Variants in KIDINS220 observed in about 807,000 individuals in gnomAD.
The protein encoded by KIDINS220 is kinase D-interacting substrate of 220 kDa.
Under a neutral mutation model 157.6 loss-of-function variants are expected in KIDINS220, and 63 were observed. The observed-to-expected ratio is 0.40, with a 90% CI of 0.33 to 0.49. The LOEUF is 0.49. Ranked by LOEUF, KIDINS220 falls within the 20% of genes least tolerant of loss-of-function variation. KIDINS220 has a pLI of 0.66. For missense variants in KIDINS220, 1,772 were observed against 2,171.2 expected (o/e 0.82, Z 3.65); for synonymous variants, 732 against 783.6 (o/e 0.93, Z 1.10).
At chr2:8,755,542 C>T (rs1055389806) in intron 22 of KIDINS220, among the ~76,000 whole-genome samples, 1 of 152,212 alleles carries the variant, frequency 6.6e-6, no homozygotes, top group African/African-American at 2.4e-5. Flanking sequence ...TGTTCTTCCT[C>T]AAGAACTCTA....
Position 8,776,800 on chromosome 2 carries a change from A to G in KIDINS220, c.2796T>C (p.Ser932=), listed in dbSNP as rs531261610. 6.2e-7 allele frequency: 1 copy of G among 1,613,920 alleles called. No individual in the cohort carries two copies. The highest frequency in any genetic ancestry group is 1.7e-5 in the Admixed American group (1 of 60,008). The stretch of plus-strand genomic sequence containing the variant: ...TTCTCATGGTCTGGGGACTGATGTC[A>G]CTGAACCAGTCCTCGGTAACCAGCA... ...TKLLVTEDWF[S]DISPQTMRRL... is the part of the protein sequence containing the mutation. Residue 932 remains serine, a synonymous_variant, in exon 21 of 30, where the codon AGT becomes AGC. Coordinates refer to ENST00000256707, the MANE Select transcript of KIDINS220 (RefSeq NM_020738.4).
At chr2:8,741,216 C>T (rs1342288303) in intron 26 of KIDINS220, among the ~76,000 whole-genome samples, 1 of 152,178 alleles carries the variant, frequency 6.6e-6, no homozygotes, top group African/African-American at 2.4e-5. Flanking sequence ...TTAAGAAATA[C>T]TAGGTCAAAG....
At chr2:8,800,190 T>C (rs944616925) in intron 9 of KIDINS220, 13 of 446,536 alleles carry the variant, frequency 2.9e-5, no homozygotes, top group South Asian at 5.7e-5. Context: ...CATGAGCTTT[T>C]TTGGTTTACC....
rs754563018 is a variant in KIDINS220, at chr2:8,789,898, G to T, written c.1603C>A (p.Leu535Ile). The change falls in exon 14 of 30, where the codon CTC (leucine) becomes ATC (isoleucine). Residue 535 changes from leucine to isoleucine, a missense_variant. Around this residue, in one of 3 missense-constraint regions of KIDINS220, gnomAD observed 725 missense variants for 1,017.1 expected, o/e 0.71. Transcript: ENST00000256707. ...GACTTACTAAAGAATATATATAAGA[G>T]AGCCAAGAAGCTCAGTGACACTGCT... Reference protein sequence around the residue: ...GIAVSLSFLALLYIFFIVIYF... With the variant: ...GIAVSLSFLAILYIFFIVIYF... The T allele has an allele frequency of 1.5e-4, 247 of 1,609,088 alleles. No individual in the cohort carries two copies. The highest frequency in any genetic ancestry group is 2.0e-4 in the Non-Finnish European group (240 of 1,178,580).
intron 26 of KIDINS220, among the ~76,000 whole-genome samples, chr2:8,741,001 T>C (rs1354810032): frequency 1.3e-5 from 2 of 152,216 alleles, no homozygotes; most frequent in African/African-American, 2.4e-5. Context: ...ATATTCAATA[T>C]CTGGGGCACT....
rs983598713 is a variant in KIDINS220, at chr2:8,764,219, A to G, written c.3011+6451T>C. Among the ~76,000 whole-genome samples, 70 of 152,144 alleles carry G rather than the reference A, an allele frequency of 4.6e-4. 2 individuals carry two copies. The highest frequency in any genetic ancestry group is 8.8e-5 in the Non-Finnish European group (6 of 68,024). On this transcript the variant is annotated intron_variant, in intron 22 of 29. Transcript: ENST00000256707. ...AGTAAGCAAAGGCATACAGAATAAA[A>G]TAATAGACTTTAGAGACTCAGAAGG...
At position 8,817,766 on chromosome 2, in the gene KIDINS220, T is replaced by C. The variant is rs760056247; in HGVS notation, c.208-50A>G. The C allele has an allele frequency of 1.1e-5, 14 of 1,269,202 alleles. No individual in the cohort carries two copies. In the South Asian group the frequency reaches 1.9e-4, roughly 17 times the overall value. 78.6% of individuals were successfully genotyped at this position (1,269,202 alleles called of 1,614,324 possible). The stretch of plus-strand genomic sequence containing the variant: ...TCATTTTCAAACCAAAAATAACACG[T>C]CAAAGTAAGGAAAACTACATTTGAA... On this transcript the variant is annotated intron_variant, in intron 3 of 29. Transcript: ENST00000256707.
intron 2 of KIDINS220, among the ~76,000 whole-genome samples, chr2:8,825,114 G>A (rs1387464766): frequency 6.6e-6 from 1 of 152,126 alleles, no homozygotes; most frequent in African/African-American, 2.4e-5. Context: ...GGTCATGCCT[G>A]CAATCACAGT....
chr2:8,781,340 A>G (rs1572631865), intron 17 of KIDINS220, among the ~76,000 whole-genome samples: 1 of 152,066 alleles, frequency 6.6e-6, no homozygotes, highest in East Asian at 1.9e-4. Flanking sequence ...ATACCATTCT[A>G]TAAGGACAGA....
Position 8,813,257 on chromosome 2 carries a change from T to A in KIDINS220, c.385A>T (p.Asn129Tyr). 6.2e-7 allele frequency: 1 copy of A among 1,613,068 alleles called. No homozygotes were observed. Among genetic ancestry groups the A allele is most frequent in the Non-Finnish European group, 8.5e-7 (1 of 1,179,634 alleles). ...VVELLLSHGA[N>Y]PSVTGLYSVY... ...CTTACCAGACCAGTGACACTTGGAT[T>A]GGCACCATGAGAAAGAAGCAACTCT... The change falls in exon 5 of 30, where the codon AAT (asparagine) becomes TAT (tyrosine). Residue 129 changes from asparagine to tyrosine, a missense_variant. By Grantham distance (143) the Asn-to-Tyr change is moderately radical (BLOSUM62 -2). Transcript: ENST00000256707.
intron 2 of KIDINS220, among the ~76,000 whole-genome samples, chr2:8,820,377 C>A (rs936841395): frequency 6.6e-6 from 1 of 152,162 alleles, no homozygotes; most frequent in Non-Finnish European, 1.5e-5. Flanking sequence ...GTGGCTGCCA[C>A]ACAGGTACCC....
chr2:8,808,115 C>T (rs1299224983), intron 6 of KIDINS220, among the ~76,000 whole-genome samples: 2 of 151,774 alleles, frequency 1.3e-5, no homozygotes, highest in Admixed American at 6.6e-5. Context: ...CAGAGCAAGA[C>T]TCTGTCTCAA....
chr2:8,734,221 G>C (rs1036403667), intron 28 of KIDINS220, among the ~76,000 whole-genome samples: 1 of 152,076 alleles, frequency 6.6e-6, no homozygotes, highest in Admixed American at 6.5e-5. Context: ...CCTGGGGGTG[G>C]GGGGGTTAGT....
In KIDINS220 at chr2:8,796,755, C is replaced by A. The variant is rs367848355; in HGVS notation, c.1098+16G>T. 1.3e-6 allele frequency: 2 copies of A among 1,590,812 alleles called. No homozygotes were observed. Among genetic ancestry groups the A allele is most frequent in the East Asian group, 4.5e-5 (2 of 44,798 alleles). On this transcript the variant is annotated intron_variant, in intron 11 of 29. Coordinates refer to ENST00000256707, the MANE Select transcript of KIDINS220 (RefSeq NM_020738.4). Reference sequence around the variant, plus strand: ...ACAGCTTTCCATACAGTGTTCTCTCCGCACAGATGTTTTACCTTATCTACA... The same window carrying A: ...ACAGCTTTCCATACAGTGTTCTCTCAGCACAGATGTTTTACCTTATCTACA...
rs186938125 is a variant in KIDINS220 at position 8,756,492 on chromosome 2, G to A, written c.3012-4848C>T. On this transcript the variant is annotated intron_variant, in intron 22 of 29. Coordinates refer to ENST00000256707, the MANE Select transcript of KIDINS220 (RefSeq NM_020738.4). ...AATGTTGAATAGCAGTGGTGAAAGTGGGTATCTTAGTTAACTCAGGCTGCT... is the reference window on the plus strand; with the variant it reads ...AATGTTGAATAGCAGTGGTGAAAGTAGGTATCTTAGTTAACTCAGGCTGCT... Among the ~76,000 whole-genome samples, 6 of 152,298 alleles carry A rather than the reference G, an allele frequency of 3.9e-5. No homozygotes were observed. In the East Asian group the frequency reaches 1.2e-3, roughly 29 times the overall value.
intron 1 of KIDINS220, among the ~76,000 whole-genome samples, chr2:8,827,627 T>A (rs1679002416): frequency 6.6e-6 from 1 of 152,128 alleles, no homozygotes; most frequent in African/African-American, 2.4e-5. Flanking sequence ...TGCGTCACTA[T>A]CATCGCTTCC....
intron 26 of KIDINS220, chr2:8,746,471 CTTT>C (rs1159924446): frequency 8.4e-6 from 1 of 119,350 alleles, no homozygotes; most frequent in African/African-American, 2.6e-5. Flanking sequence ...TTGTTTTTTT[CTTT>C]TTGTTTTTTT....
At position 8,806,261 on chromosome 2, in the gene KIDINS220, A is replaced by C. The variant is rs1675440638; in HGVS notation, c.603+10T>G. 4.5e-6 allele frequency: 7 copies of C among 1,557,274 alleles called. No homozygotes were observed. Among genetic ancestry groups the C allele is most frequent in the Non-Finnish European group, 6.1e-6 (7 of 1,142,210 alleles). Reference sequence around the variant, plus strand: ...TTCTATTGCCAAGCATTAAAATATAAGATACTTACAGCTCCTTCTTGATCC... The same window carrying C: ...TTCTATTGCCAAGCATTAAAATATACGATACTTACAGCTCCTTCTTGATCC... On this transcript the variant is annotated intron_variant, in intron 7 of 29. Transcript: ENST00000256707.
chr2:8,827,948 T>A lies in KIDINS220; in HGVS notation c.-36-819A>T, dbSNP rs536624478. Among the ~76,000 whole-genome samples, 9 of 152,314 alleles carry A rather than the reference T, an allele frequency of 5.9e-5. No individual in the cohort carries two copies. In the South Asian group the frequency reaches 1.9e-3, roughly 32 times the overall value. Reference sequence around the variant, plus strand: ...TCTGAGTGGGGCCCCTGACTCTGCATCTTTATCCAGCTCCCTGTGACACTG... The same window carrying A: ...TCTGAGTGGGGCCCCTGACTCTGCAACTTTATCCAGCTCCCTGTGACACTG... On this transcript the variant is annotated intron_variant, in intron 1 of 29. Coordinates refer to ENST00000256707, the MANE Select transcript of KIDINS220 (RefSeq NM_020738.4).
Sources: allele counts gnomAD v4.1 joint callset (sites outside exome capture counted in the v4.1 genomes callset), GRCh38; gene constraint gnomAD v4.1.1; regional missense constraint gnomAD v4.1.1; transcripts MANE v1.5; gene names NCBI Gene and HGNC (gene_info 2026-07-23, HGNC 2026-07-21).